GLCCI1: variants seen among roughly 807,000 people sequenced by gnomAD.
GLCCI1 encodes glucocorticoid-induced transcript 1 protein.
A neutral mutation model predicts 52.2 loss-of-function variants in GLCCI1; 24 were observed. The observed-to-expected ratio is 0.46, with a 90% confidence interval of 0.33 to 0.65. The LOEUF (loss-of-function observed/expected upper bound fraction) is 0.65. Among genes scored for constraint, GLCCI1 ranks in the 30% least tolerant of loss-of-function variants. GLCCI1 has a pLI of 0.02. For synonymous variants in GLCCI1, 310 were observed against 276.5 expected (o/e 1.12, Z -1.20); for missense variants, 704 against 701.5 (o/e 1.00, Z -0.04).
chr7:7,970,092 C>G (rs1045010025), intron 1 of GLCCI1, among the ~76,000 whole-genome samples: 1 of 152,256 alleles, frequency 6.6e-6, no homozygotes. Context: ...GTGTGTTTGC[C>G]GTTTGTAGCC....
rs1780939042 is a variant in GLCCI1 at position 7,996,425 on chromosome 7, AG to A, written c.458-7482del. Among the ~76,000 whole-genome samples the A allele has an allele frequency of 2.0e-5, 3 of 152,248 alleles. No homozygotes were observed. In the South Asian group the frequency reaches 6.2e-4, roughly 32 times the overall value. ...GCCATATATGTAATTAAAAAAAAAA[AG>A]TATTCCAAATATCAGAGCTCCATCT... is the stretch of plus-strand genomic sequence containing the variant. On this transcript the variant is annotated intron_variant, in intron 1 of 7. Coordinates refer to ENST00000223145, the MANE Select transcript of GLCCI1 (RefSeq NM_138426.4).
rs58639900 is a variant in GLCCI1, at chr7:8,086,980, CAAA to C, written c.*459_*461del. 9.9e-3 allele frequency: 1,173 copies of C among 118,724 alleles called. 9 individuals are homozygous for C. The highest frequency in any genetic ancestry group is 0.062 in the East Asian group (250 of 4,044). The allele number at this position is 118,724 out of a possible 1,614,324, so 7.4% of individuals were successfully genotyped here. On this transcript the variant is annotated 3_prime_UTR_variant, in exon 8 of 8. Transcript: ENST00000223145. This position sits in a 1 kb window ranked among gnomAD's most constrained non-coding sequence, Gnocchi z 4.4. Reference sequence around the variant, plus strand: ...TCTAACTTCTGTAATACATACAATGCAAAAAAAAAAAAAAAAAAATGGCCACAA... The same window carrying C: ...TCTAACTTCTGTAATACATACAATGCAAAAAAAAAAAAAAAATGGCCACAA...
chr7:8,071,005 CCTT>C lies in GLCCI1; in HGVS notation c.1054_1056del (p.Ser352del), dbSNP rs764612224. 35 of 1,614,084 alleles carry C rather than the reference CCTT, an allele frequency of 2.2e-5. No homozygotes were observed. The highest frequency in any genetic ancestry group is 1.6e-4 in the Middle Eastern group (1 of 6,084). On this transcript the variant is annotated inframe_deletion, in exon 6 of 8. Coordinates refer to ENST00000223145, the MANE Select transcript of GLCCI1 (RefSeq NM_138426.4). ...TACTCGCAGCATTGACACTCAGACTCCTTCTGTCCAGGAGCGCAGCAGTAGCTG... is the reference window on the plus strand; with the variant it reads ...TACTCGCAGCATTGACACTCAGACTCCTGTCCAGGAGCGCAGCAGTAGCTG...
At chr7:8,063,653 C>G (rs7806594) in intron 5 of GLCCI1, among the ~76,000 whole-genome samples, 20,446 of 136,258 alleles carry the variant, frequency 0.15, 1,669 homozygotes, top group East Asian at 0.26. Flanking sequence ...GGGTCTTGCT[C>G]CATTGCCCAG....
intron 3 of GLCCI1, among the ~76,000 whole-genome samples, chr7:8,031,759 A>G (rs1781756444): frequency 6.6e-6 from 1 of 152,040 alleles, no homozygotes; most frequent in East Asian, 1.9e-4. Context: ...AAGATGGGAA[A>G]AGATAAAACA....
At chr7:8,000,382 G>C (rs1781028712) in intron 1 of GLCCI1, among the ~76,000 whole-genome samples, 1 of 152,106 alleles carries the variant, frequency 6.6e-6, no homozygotes, top group Non-Finnish European at 1.5e-5. Context: ...TGTATCTTCA[G>C]AGTTACCTAT....
intron 3 of GLCCI1, among the ~76,000 whole-genome samples, chr7:8,049,513 T>A (rs550821908): frequency 3.3e-5 from 5 of 152,336 alleles, no homozygotes; most frequent in Non-Finnish European, 7.4e-5. Context: ...ATATGTTTTA[T>A]AATGCTTTCA....
chr7:8,008,287 CTTT>C (rs371599508), intron 2 of GLCCI1, among the ~76,000 whole-genome samples: 12 of 139,834 alleles, frequency 8.6e-5, no homozygotes, highest in Non-Finnish European at 7.8e-5. Context: ...TGTTGTATAT[CTTT>C]TTTTTTTTTT....
At chr7:8,021,149 G>C (rs566959810) in intron 2 of GLCCI1, among the ~76,000 whole-genome samples, 1 of 152,214 alleles carries the variant, frequency 6.6e-6, no homozygotes, top group East Asian at 1.9e-4. Flanking sequence ...TTAAGACGTG[G>C]TGATTATTTT....
At position 8,059,473 on chromosome 7, in the gene GLCCI1, A is replaced by T. The variant is rs535063107; in HGVS notation, c.814-623A>T. ...TGTTGTATAAATCCTTAAGTATCAA[A>T]AGGCTTGTCTTACACTTTTTCCTTA... On this transcript the variant is annotated intron_variant, in intron 4 of 7. Coordinates refer to ENST00000223145, the MANE Select transcript of GLCCI1 (RefSeq NM_138426.4). Among the ~76,000 whole-genome samples, 9 of 152,290 alleles carry T rather than the reference A, an allele frequency of 5.9e-5. No homozygotes were observed. The South Asian group carries it at 1.7e-3, about 28-fold the overall frequency.
intron 1 of GLCCI1, among the ~76,000 whole-genome samples, chr7:8,001,979 G>A (rs1167014803): frequency 6.6e-6 from 1 of 152,080 alleles, no homozygotes; most frequent in Non-Finnish European, 1.5e-5. Context: ...ATAGCATTAG[G>A]AGAAATCCCT....
intron 1 of GLCCI1, among the ~76,000 whole-genome samples, chr7:7,973,515 G>A (rs987633827): frequency 6.6e-6 from 1 of 151,730 alleles, no homozygotes; most frequent in African/African-American, 2.4e-5. Flanking sequence ...AGAATACTCT[G>A]GATGGAGAAT....
Position 8,059,564 on chromosome 7 carries a change from T to C in GLCCI1, c.814-532T>C, listed in dbSNP as rs138049847. Reference sequence around the variant, plus strand: ...AGGACTTTTGAAAACAGGCTTTAAATTGTTAAGTGAGTTGTTGAACTTAGC... The same window carrying C: ...AGGACTTTTGAAAACAGGCTTTAAACTGTTAAGTGAGTTGTTGAACTTAGC... On this transcript the variant is annotated intron_variant, in intron 4 of 7. Transcript: ENST00000223145. 5.6e-3 allele frequency among the ~76,000 whole-genome samples: 855 copies of C among 152,364 alleles called. 4 individuals carry two copies. The highest frequency in any genetic ancestry group is 0.019 in the African/African-American group (805 of 41,592).
At chr7:8,076,527 G>A (rs1396280495) in intron 6 of GLCCI1, among the ~76,000 whole-genome samples, 1 of 152,082 alleles carries the variant, frequency 6.6e-6, no homozygotes, top group African/African-American at 2.4e-5. Flanking sequence ...TAAGTATCCA[G>A]TAAATGCTAT....
chr7:8,077,059 G>T (rs545219619), intron 6 of GLCCI1, among the ~76,000 whole-genome samples: 1 of 152,132 alleles, frequency 6.6e-6, no homozygotes, highest in African/African-American at 2.4e-5. Flanking sequence ...AAGAGGCCAT[G>T]AAGTTCAAAT....
At chr7:8,032,119 C>A (rs1170902589) in intron 3 of GLCCI1, among the ~76,000 whole-genome samples, 1 of 151,928 alleles carries the variant, frequency 6.6e-6, no homozygotes, top group African/African-American at 2.4e-5. Flanking sequence ...CCAGTCACTG[C>A]AGAATAGCAG....
In GLCCI1 at chr7:7,976,205, G is replaced by A. The variant is rs184952315; in HGVS notation, c.457+6398G>A. ...ATTTAAAGAAGCTAGTGGGCTGGGC[G>A]CAGTGGCTCATGCCTGTAATCCCAG... On this transcript the variant is annotated intron_variant, in intron 1 of 7. Coordinates refer to ENST00000223145, the MANE Select transcript of GLCCI1 (RefSeq NM_138426.4). Among the ~76,000 whole-genome samples, 259 of 152,196 alleles carry A rather than the reference G, an allele frequency of 1.7e-3. 1 individual carries two copies. The highest frequency in any genetic ancestry group is 3.0e-3 in the Non-Finnish European group (204 of 68,010).
intron 7 of GLCCI1, 46 bp downstream of exon 7, chr7:8,085,063 G>A: frequency 2.5e-6 from 4 of 1,606,952 alleles, no homozygotes; most frequent in Non-Finnish European, 2.5e-6. Context: ...AAGCTGTAAA[G>A]CTTTTTACTG....
intron 3 of GLCCI1, among the ~76,000 whole-genome samples, chr7:8,035,173 G>A (rs554068937): frequency 2.8e-4 from 43 of 152,314 alleles, no homozygotes; most frequent in African/African-American, 1.0e-3. Flanking sequence ...CCCTCAGGGA[G>A]TGCTGCTCCT....
Sources: allele counts gnomAD v4.1 joint callset (sites outside exome capture counted in the v4.1 genomes callset), GRCh38; gene constraint gnomAD v4.1.1; non-coding constraint Gnocchi (gnomAD v3.1); transcripts MANE v1.5; gene names NCBI Gene and HGNC (gene_info 2026-07-23, HGNC 2026-07-21).